Variants in ZNF213 observed in about 807,000 individuals in gnomAD.
The protein encoded by ZNF213 is putative transcription factor CR53.
A neutral mutation model predicts 46.0 loss-of-function variants in ZNF213; 32 were observed. The observed-to-expected ratio is 0.70, with a 90% CI of 0.52 to 0.93. ZNF213 has a LOEUF of 0.93. Ranked by LOEUF, ZNF213 falls within the 40% of genes least tolerant of loss-of-function variation. The pLI is 0.00. For missense variants in ZNF213, 639 were observed against 652.8 expected (o/e 0.98, Z 0.23); for synonymous variants, 297 against 271.0 (o/e 1.10, Z -0.94).
intron 1 of ZNF213, among the ~76,000 whole-genome samples, chr16:3,136,619 A>G (rs1307307925): frequency 6.6e-6 from 1 of 152,004 alleles, no homozygotes; most frequent in Non-Finnish European, 1.5e-5. Flanking sequence ...TGGGAGGCTG[A>G]AGCAGGAGAA....
rs1021306127 is a variant in ZNF213, at chr16:3,142,265, C to A, written c.*918C>A. 9 of 99,104 alleles carry A rather than the reference C, an allele frequency of 9.1e-5. No individual in the cohort carries two copies. Among genetic ancestry groups the A allele is most frequent in the South Asian group, 2.6e-4 (2 of 7,548 alleles). 6.1% of individuals were successfully genotyped at this position (99,104 alleles called of 1,614,324 possible). ...ACTCGGCGCCCCACTCCATCGGCCC[C>A]GCTCCATCGGCACTAATGCCCCACT... On this transcript the variant is annotated 3_prime_UTR_variant, in exon 6 of 6. Coordinates refer to ENST00000396878, the MANE Select transcript of ZNF213 (RefSeq NM_004220.3).
intron 3 of ZNF213, 30 bp downstream of exon 3, chr16:3,138,571 C>G (rs912408117): frequency 6.2e-7 from 1 of 1,613,770 alleles, no homozygotes; most frequent in Non-Finnish European, 8.5e-7. Flanking sequence ...TGTGGACAGT[C>G]GAGTGGCTGG....
At position 3,142,118 on chromosome 16, in the gene ZNF213, C is replaced by CTCAGCACTAGCACTCCA. The variant is rs1425252118; in HGVS notation, c.*785_*801dup. The CTCAGCACTAGCACTCCA allele has an allele frequency of 6.2e-6, 1 of 161,132 alleles. No homozygotes were observed. The highest frequency in any genetic ancestry group is 2.4e-5 in the African/African-American group (1 of 41,512). 10.0% of individuals were successfully genotyped at this position (161,132 alleles called of 1,614,324 possible). On this transcript the variant is annotated 3_prime_UTR_variant, in exon 6 of 6. Coordinates refer to ENST00000396878, the MANE Select transcript of ZNF213 (RefSeq NM_004220.3). ...CCTCCAGAGGTGGGGCTGCACCAGA[C>CTCAGCACTAGCACTCCA]TCAGCACTAGCACTCCATCAGCACT... is the stretch of plus-strand genomic sequence containing the variant.
At position 3,141,094 on chromosome 16, in the gene ZNF213, C is replaced by G. The variant is rs148090456; in HGVS notation, c.1127C>G (p.Ser376Cys). The G allele has an allele frequency of 1.9e-6, 3 of 1,612,690 alleles. No individual in the cohort carries two copies. The highest frequency in any genetic ancestry group is 2.2e-5 in the East Asian group (1 of 44,860). ...VHTGEKPFSC[S>C]ECGKSFSRSA... The stretch of plus-strand genomic sequence containing the variant: ...ACGGGCGAGAAGCCCTTCTCCTGTT[C>G]CGAGTGCGGCAAGAGCTTCAGCCGC... Residue 376 changes from serine to cysteine, a missense_variant, in exon 6 of 6, where the codon TCC becomes TGC. Coordinates refer to ENST00000396878, the MANE Select transcript of ZNF213 (RefSeq NM_004220.3).
intron 4 of ZNF213, 58 bp downstream of exon 4, chr16:3,138,876 A>G (rs936296184): frequency 6.9e-5 from 112 of 1,613,612 alleles, no homozygotes; most frequent in Non-Finnish European, 1.1e-5. Context: ...AGTTTGTAAA[A>G]TGGGACTTGC....
rs773445710 is a variant in ZNF213 at position 3,138,536 on chromosome 16, A to G, written c.518A>G (p.His173Arg). The change falls in exon 3 of 6, where the codon CAT (histidine) becomes CGT (arginine). Residue 173 changes from histidine (H) to arginine (R), a missense_variant. Physicochemically the swap from His to Arg is conservative, Grantham distance 29 (BLOSUM62 0). Transcript: ENST00000396878. ...RPSVPQEQHS[H>R]SAQPPALLKE... ...TCTGTTCCCCAGGAGCAGCACAGCC[A>G]TAGCGGTGAGTAAGCCTCCGTTCTT... The G allele has an allele frequency of 5.6e-6, 9 of 1,614,086 alleles. No homozygotes were observed. Among genetic ancestry groups the G allele is most frequent in the Non-Finnish European group, 7.6e-6 (9 of 1,180,000 alleles).
chr16:3,141,514 C>A lies in ZNF213; in HGVS notation c.*167C>A. ...TGCCCTGCTTGGCTCTGAGGACCTG[C>A]CCAGCGCTCAAAGGGAACGGAAGCC... On this transcript the variant is annotated 3_prime_UTR_variant, in exon 6 of 6. Coordinates refer to ENST00000396878, the MANE Select transcript of ZNF213 (RefSeq NM_004220.3). 1 of 744,028 alleles carries A rather than the reference C, an allele frequency of 1.3e-6. No homozygotes were observed. Among genetic ancestry groups the A allele is most frequent in the Non-Finnish European group, 2.1e-6 (1 of 481,528 alleles). The allele number at this position is 744,028 out of a possible 1,614,324, so 46.1% of individuals were successfully genotyped here.
chr16:3,137,853 CA>C, intron 2 of ZNF213, 174 bp downstream of exon 2: 1 of 786,540 alleles, frequency 1.3e-6, no homozygotes, highest in Non-Finnish European at 2.0e-6. Flanking sequence ...AGATGCGATC[CA>C]AAGTAAATGT....
At position 3,135,097 on chromosome 16, in the gene ZNF213, TTCGGGGGCGGGG is replaced by T. The variant is rs1957518694; in HGVS notation, c.-405_-394del. 1 of 47,448 alleles carries T rather than the reference TTCGGGGGCGGGG, an allele frequency of 2.1e-5. No homozygotes were observed. Among genetic ancestry groups the T allele is most frequent in the Non-Finnish European group, 4.2e-5 (1 of 23,614 alleles). 2.9% of individuals were successfully genotyped at this position (47,448 alleles called of 1,614,324 possible). ...CTGGGCCGTAGTGGGCGTTGTGTGT[TTCGGGGGCGGGG>T]GCGGGGGCGGGGGCCGGGGCGGGGA... On this transcript the variant is annotated 5_prime_UTR_variant, in exon 1 of 6. Transcript: ENST00000396878.
chr16:3,140,633 C>G (rs1196070015), intron 5 of ZNF213, 56 bp from the exon 6 acceptor site: 1 of 1,461,788 alleles, frequency 6.8e-7, no homozygotes, highest in Non-Finnish European at 9.0e-7. Context: ...TTCCTCACCT[C>G]AGCTCTGGCC....
chr16:3,138,898 G>A (rs1957572443), intron 4 of ZNF213, 77 bp from the exon 5 acceptor site: 1 of 1,613,492 alleles, frequency 6.2e-7, no homozygotes, highest in South Asian at 1.1e-5. Flanking sequence ...GTCCCATCAG[G>A]CCTCTTTCAT....
At chr16:3,138,277 CT>C in intron 2 of ZNF213, 140 bp from the exon 3 acceptor site, 2 of 1,487,784 alleles carry the variant, frequency 1.3e-6, no homozygotes, top group Non-Finnish European at 9.0e-7. Context: ...CTCCTCCGGA[CT>C]TTTCCTGGGG....
At position 3,137,309 on chromosome 16, in the gene ZNF213, A is replaced by G. The variant is rs773487082; in HGVS notation, c.29A>G (p.Gln10Arg). ...GCAGCCCCCTTGGAGGCCCAGGACCAGGCCCCTGGGGAGGGAGAAGGGCTT... is the reference window on the plus strand; with the variant it reads ...GCAGCCCCCTTGGAGGCCCAGGACCGGGCCCCTGGGGAGGGAGAAGGGCTT... MAAPLEAQD[Q>R]APGEGEGLLI... Residue 10 changes from glutamine (Q) to arginine (R), a missense_variant, in exon 2 of 6, where the codon CAG becomes CGG. Physicochemically the swap from Gln to Arg is conservative, Grantham distance 43 (BLOSUM62 1). Transcript: ENST00000396878. 1 of 1,607,354 alleles carries G rather than the reference A, an allele frequency of 6.2e-7. No homozygotes were observed. The highest frequency in any genetic ancestry group is 8.5e-7 in the Non-Finnish European group (1 of 1,175,564).
At position 3,141,202 on chromosome 16, in the gene ZNF213, T is replaced by C; in HGVS notation, c.1235T>C (p.Leu412Pro). 6.2e-7 allele frequency: 1 copy of C among 1,612,542 alleles called. No individual in the cohort carries two copies. The highest frequency in any genetic ancestry group is 8.5e-7 in the Non-Finnish European group (1 of 1,179,910). The change falls in exon 6 of 6, where the codon CTG (leucine) becomes CCG (proline). Residue 412 changes from leucine (L) to proline (P), a missense_variant. Physicochemically the swap from Leu to Pro is moderately conservative, Grantham distance 98 (BLOSUM62 -3). Transcript: ENST00000396878. The part of the protein sequence containing the change: ...GCSDCGKSFS[L>P]RSYLLDHRRV... ...AGCGACTGCGGCAAGAGCTTCTCGC[T>C]GCGCTCCTACCTGCTGGACCATCGG...
chr16:3,135,289 G>C lies in ZNF213; in HGVS notation c.-214G>C, dbSNP rs1162119609. 1 of 152,396 alleles carries C rather than the reference G, an allele frequency of 6.6e-6. No homozygotes were observed. The highest frequency in any genetic ancestry group is 2.4e-5 in the African/African-American group (1 of 41,450). The allele number at this position is 152,396 out of a possible 1,614,324, so 9.4% of individuals were successfully genotyped here. A position where few individuals can be genotyped will look rare whatever the true frequency, so the allele number is the denominator to read the frequency against. On this transcript the variant is annotated 5_prime_UTR_variant, in exon 1 of 6. Transcript: ENST00000396878. ...GCTTGGTCCCCCGGCAGACGCCCCT[G>C]TACGATCGCCGCTCGCCCCGCGGGC...
intron 2 of ZNF213, 153 bp from the exon 3 acceptor site, chr16:3,138,265 T>A: frequency 7.0e-7 from 1 of 1,429,096 alleles, no homozygotes; most frequent in Non-Finnish European, 9.4e-7. Flanking sequence ...TGGTATCACA[T>A]TCTCCTCCGG....
chr16:3,137,660 C>T lies in ZNF213; in HGVS notation c.380C>T (p.Pro127Leu), dbSNP rs765370794. Residue 127 changes from proline to leucine, a missense_variant, in exon 2 of 6, where the codon CCA becomes CTA. Coordinates refer to ENST00000396878, the MANE Select transcript of ZNF213 (RefSeq NM_004220.3). The stretch of plus-strand genomic sequence containing the variant: ...TTGGTGGAGGACCTACAGAAGCAGC[C>T]AGTGAAAGCCTGGCGACAGGTGAGG... ...VALVEDLQKQ[P>L]VKAWRQDVPS... 26 of 1,613,604 alleles carry T rather than the reference C, an allele frequency of 1.6e-5. No homozygotes were observed. Among genetic ancestry groups the T allele is most frequent in the African/African-American group, 2.7e-5 (2 of 74,918 alleles).
rs1405866453 is a variant in ZNF213, at chr16:3,142,478, C to G, written c.*1131C>G. ...CGGCTCCATCGGCACTACCACCCCG[C>G]TCCATCATCACTATGTCCAGCTCCG... is the stretch of plus-strand genomic sequence containing the variant. On this transcript the variant is annotated 3_prime_UTR_variant, in exon 6 of 6. Transcript: ENST00000396878. 3.6e-5 allele frequency: 7 copies of G among 196,640 alleles called. No individual in the cohort carries two copies. Among genetic ancestry groups the G allele is most frequent in the African/African-American group, 1.7e-4 (7 of 41,670 alleles). 12.2% of individuals were successfully genotyped at this position (196,640 alleles called of 1,614,324 possible). A position where few individuals can be genotyped will look rare whatever the true frequency, so the allele number is the denominator to read the frequency against.
At position 3,138,774 on chromosome 16, in the gene ZNF213, C is replaced by T. The variant is rs144502007; in HGVS notation, c.553C>T (p.Arg185Cys). The T allele has an allele frequency of 1.7e-5, 28 of 1,613,708 alleles. No individual in the cohort carries two copies. Among genetic ancestry groups the T allele is most frequent in the South Asian group, 3.3e-5 (3 of 91,050 alleles). ...GCCTCCTGCTCTTCTTAAAGAGGGT[C>T]GTCCCGGAGAGACGACGGACACCTG... ...AQPPALLKEG[R>C]PGETTDTCFV... The change falls in exon 4 of 6, where the codon CGT (arginine) becomes TGT (cysteine). Residue 185 changes from arginine to cysteine, a missense_variant. Transcript: ENST00000396878.
Sources: gnomAD v4.1 joint callset for allele counts (sites outside exome capture counted in the v4.1 genomes callset) on GRCh38, gnomAD v4.1.1 for gene constraint, MANE v1.5 for transcripts, NCBI Gene and HGNC (gene_info 2026-07-23, HGNC 2026-07-21) for gene names.